FRMD3: variants seen among roughly 807,000 people sequenced by gnomAD.
FRMD3 encodes the protein FERM domain containing 3, also known as FERM domain-containing protein 3.
A neutral mutation model predicts 70.2 loss-of-function variants in FRMD3; 33 were observed. That is an observed-to-expected ratio of 0.47 (90% CI 0.36 to 0.63). The LOEUF is 0.63. Among genes scored for constraint, FRMD3 ranks in the 20% least tolerant of loss-of-function variants. The probability of loss-of-function intolerance (pLI) is 0.00; values close to 1 mark genes in which losing one functional copy is unlikely to be tolerated. For synonymous variants in FRMD3, 279 were observed against 255.9 expected (o/e 1.09, Z -0.86); for missense variants, 632 against 711.4 (o/e 0.89, Z 1.27).
chr9:83,266,404 T>C (rs768239358), intron 13 of FRMD3, among the ~76,000 whole-genome samples: 14 of 152,276 alleles, frequency 9.2e-5, no homozygotes, highest in Admixed American at 7.8e-4. Flanking sequence ...TTTATACATA[T>C]AGCCACAGCT....
intron 13 of FRMD3, among the ~76,000 whole-genome samples, chr9:83,285,906 A>T (rs969862851): frequency 2.0e-5 from 3 of 152,204 alleles, no homozygotes; most frequent in African/African-American, 7.2e-5. Context: ...CCACAGCACT[A>T]GTTCTCTCAG....
rs1291223618 is a variant in FRMD3 at position 83,245,001 on chromosome 9, A to C, written c.*2917T>G. 1 of 983,756 alleles carries C rather than the reference A, an allele frequency of 1.0e-6. No individual in the cohort carries two copies. The highest frequency in any genetic ancestry group is 1.1e-4 in the East Asian group (1 of 8,822). The allele number at this position is 983,756 out of a possible 1,614,324, so 60.9% of individuals were successfully genotyped here. A position where few individuals can be genotyped will look rare whatever the true frequency, so the allele number is the denominator to read the frequency against. On this transcript the variant is annotated 3_prime_UTR_variant, in exon 14 of 14. Transcript: ENST00000304195. ...GTGTGTATTATATATATTTATTTAT[A>C]TCCACAAATGTACACTCAGTGGCAT...
At chr9:83,541,927 A>AT (rs1053306265), upstream of FRMD3, among the ~76,000 whole-genome samples, 2 of 152,136 alleles carry the variant, frequency 1.3e-5, no homozygotes, top group Admixed American at 1.3e-4. Flanking sequence ...AACCAGAAAC[A>AT]TTTTTTTATT....
intron 13 of FRMD3, among the ~76,000 whole-genome samples, chr9:83,260,523 C>T (rs543322037): frequency 2.0e-5 from 3 of 152,214 alleles, no homozygotes; most frequent in African/African-American, 7.2e-5. Context: ...CTGGAACAGT[C>T]CCACTCTATG....
chr9:83,434,698 A>G (rs1827080944), intron 1 of FRMD3, among the ~76,000 whole-genome samples: 1 of 152,004 alleles, frequency 6.6e-6, no homozygotes, highest in African/African-American at 2.4e-5. Context: ...TTTCCAGTGG[A>G]GGTCAAGGAG....
At chr9:83,426,483 G>A (rs563857575) in intron 1 of FRMD3, among the ~76,000 whole-genome samples, 2 of 152,360 alleles carry the variant, frequency 1.3e-5, no homozygotes, top group Admixed American at 1.3e-4. Context: ...CAAAAGAGGA[G>A]CAGGTGATGC....
chr9:83,455,598 TC>T (rs1159260063), intron 1 of FRMD3, among the ~76,000 whole-genome samples: 2 of 152,164 alleles, frequency 1.3e-5, no homozygotes, highest in African/African-American at 2.4e-5. Flanking sequence ...CTCTTTTTCT[TC>T]CCAGTCTTGG....
At chr9:83,305,262 A>G (rs556452147) in intron 10 of FRMD3, among the ~76,000 whole-genome samples, 94 of 152,322 alleles carry the variant, frequency 6.2e-4, no homozygotes, top group African/African-American at 1.9e-3. Flanking sequence ...AGTCTTCCCA[A>G]TGAAAAGGAG....
At chr9:83,340,726 G>A (rs184386792) in intron 5 of FRMD3, among the ~76,000 whole-genome samples, 2 of 152,176 alleles carry the variant, frequency 1.3e-5, no homozygotes, top group Non-Finnish European at 2.9e-5. Context: ...GTTGGATTCA[G>A]TATGTACAGG....
At chr9:83,355,064 C>G (rs1055221875) in intron 3 of FRMD3, among the ~76,000 whole-genome samples, 1 of 152,174 alleles carries the variant, frequency 6.6e-6, no homozygotes, top group Non-Finnish European at 1.5e-5. Flanking sequence ...GGAGCCTTCT[C>G]AGATGCAACA....
At chr9:83,308,334 C>G (rs1329578725) in intron 10 of FRMD3, among the ~76,000 whole-genome samples, 1 of 152,168 alleles carries the variant, frequency 6.6e-6, no homozygotes, top group Non-Finnish European at 1.5e-5. Flanking sequence ...TGGACTTTGC[C>G]TATACTTCAG....
At chr9:83,462,472 T>C (rs1303840190) in intron 1 of FRMD3, among the ~76,000 whole-genome samples, 1 of 152,180 alleles carries the variant, frequency 6.6e-6, no homozygotes, top group Non-Finnish European at 1.5e-5. Context: ...GGTCCCATGC[T>C]CTGTGGCAAG....
At chr9:83,331,341 C>A (rs1836253849) in intron 6 of FRMD3, among the ~76,000 whole-genome samples, 1 of 152,134 alleles carries the variant, frequency 6.6e-6, no homozygotes, top group South Asian at 2.1e-4. Context: ...GTGAAAGAAG[C>A]CAATCTGAAA....
At chr9:83,289,653 G>T (rs1025585906) in intron 13 of FRMD3, among the ~76,000 whole-genome samples, 4 of 152,176 alleles carry the variant, frequency 2.6e-5, no homozygotes, top group Admixed American at 1.3e-4. Context: ...ATCTTTTGGG[G>T]ACAGAGTGAT....
intron 13 of FRMD3, among the ~76,000 whole-genome samples, chr9:83,267,740 C>T (rs1056966921): frequency 2.0e-5 from 3 of 152,126 alleles, no homozygotes; most frequent in Admixed American, 2.0e-4. Flanking sequence ...TTAATCAACT[C>T]TTTTATTAAT....
chr9:83,504,501 C>T (rs1434777865), intron 1 of FRMD3, among the ~76,000 whole-genome samples: 1 of 152,160 alleles, frequency 6.6e-6, no homozygotes, highest in Non-Finnish European at 1.5e-5. Flanking sequence ...CTCCTCCTCC[C>T]TCACATTCCT....
intron 1 of FRMD3, among the ~76,000 whole-genome samples, chr9:83,476,050 T>A (rs1406244763): frequency 2.0e-5 from 3 of 152,140 alleles, no homozygotes; most frequent in Non-Finnish European, 4.4e-5. Flanking sequence ...CAAAAATAAG[T>A]GCTGTATCCT....
At chr9:83,391,173 A>G (rs1360473991) in intron 1 of FRMD3, among the ~76,000 whole-genome samples, 1 of 152,238 alleles carries the variant, frequency 6.6e-6, no homozygotes, top group African/African-American at 2.4e-5. Flanking sequence ...ATAAGCTTCA[A>G]GTTTTTAACT....
At chr9:83,323,986 T>C (rs1226747572) in intron 6 of FRMD3, among the ~76,000 whole-genome samples, 1 of 152,188 alleles carries the variant, frequency 6.6e-6, no homozygotes, top group Non-Finnish European at 1.5e-5. Flanking sequence ...AGGAGAATTA[T>C]TTAAGAAGCC....
Sources: allele counts gnomAD v4.1 joint callset (sites outside exome capture counted in the v4.1 genomes callset), GRCh38; gene constraint gnomAD v4.1.1; transcripts MANE v1.5; gene names NCBI Gene and HGNC (gene_info 2026-07-23, HGNC 2026-07-21).